Variants in FTO observed in about 807,000 individuals in gnomAD.
FTO encodes the protein FTO alpha-ketoglutarate dependent dioxygenase, also known as alpha-ketoglutarate-dependent dioxygenase FTO.
A neutral mutation model predicts 63.9 loss-of-function variants in FTO; 47 were observed. The ratio of observed to expected loss-of-function variants is 0.74; its 90% CI spans 0.58 to 0.94. The LOEUF (loss-of-function observed/expected upper bound fraction) is 0.94, where lower values mean the gene tolerates loss of function less well. FTO is among the 40% of genes least tolerant of loss of function. The pLI, the probability that FTO is intolerant of heterozygous loss-of-function variation, is 0.00. For synonymous variants in FTO, 207 were observed against 224.4 expected (o/e 0.92, Z 0.69); for missense variants, 562 against 618.1 (o/e 0.91, Z 0.96).
At chr16:53,794,753 C>T (rs2078017082) in intron 1 of FTO, among the ~76,000 whole-genome samples, 1 of 152,046 alleles carries the variant, frequency 6.6e-6, no homozygotes, top group Non-Finnish European at 1.5e-5. Flanking sequence ...AGGTTTGGTC[C>T]TGGACAGTAG....
At chr16:54,091,618 C>A (rs1483000509) in intron 8 of FTO, among the ~76,000 whole-genome samples, 3 of 152,208 alleles carry the variant, frequency 2.0e-5, no homozygotes, top group Admixed American at 2.0e-4. Flanking sequence ...TGAAACAAAT[C>A]TGCGGGTTGG....
rs368287478 is a variant in FTO, at chr16:54,038,790, G to A, written c.1365-72972G>A. ...TCTGCCATAAGTAAAAGCTTCCTGC[G>A]GCCTCATCAGAAGCCAAGTAGATGC... On this transcript the variant is annotated intron_variant, in intron 8 of 8. Coordinates refer to ENST00000471389, the MANE Select transcript of FTO (RefSeq NM_001080432.3). Among the ~76,000 whole-genome samples, 10 of 152,248 alleles carry A rather than the reference G, an allele frequency of 6.6e-5. No homozygotes were observed. In the South Asian group the frequency reaches 1.7e-3, roughly 25 times the overall value.
chr16:53,938,063 C>T (rs1210874486), intron 8 of FTO, among the ~76,000 whole-genome samples: 1 of 152,148 alleles, frequency 6.6e-6, no homozygotes, highest in Non-Finnish European at 1.5e-5. Context: ...TGCCTGCCTG[C>T]TTCATTTCAG....
intron 8 of FTO, among the ~76,000 whole-genome samples, chr16:54,087,680 G>A (rs1218834426): frequency 6.6e-6 from 1 of 152,204 alleles, no homozygotes; most frequent in Non-Finnish European, 1.5e-5. Flanking sequence ...GCATGCTCCT[G>A]TAGTCCTAGC....
chr16:54,024,898 C>A (rs2084680788), intron 8 of FTO, among the ~76,000 whole-genome samples: 1 of 152,126 alleles, frequency 6.6e-6, no homozygotes, highest in Non-Finnish European at 1.5e-5. Context: ...TCCATTGAAG[C>A]TAACTAGTCA....
At chr16:53,968,432 C>T (rs533990578) in intron 8 of FTO, among the ~76,000 whole-genome samples, 1 of 152,280 alleles carries the variant, frequency 6.6e-6, no homozygotes, top group African/African-American at 2.4e-5. Flanking sequence ...AAACCAAGTA[C>T]AGCACCATCA....
intron 6 of FTO, among the ~76,000 whole-genome samples, chr16:53,882,347 A>G (rs1279206227): frequency 6.7e-6 from 1 of 149,996 alleles, no homozygotes; most frequent in African/African-American, 2.5e-5. Context: ...ATTATACAGT[A>G]TGTTAGAAGT....
intron 7 of FTO, among the ~76,000 whole-genome samples, chr16:53,918,907 A>G (rs1374911045): frequency 6.6e-6 from 1 of 152,206 alleles, no homozygotes; most frequent in Non-Finnish European, 1.5e-5. Context: ...CTTTGATATT[A>G]AAGAGTTACT....
intron 8 of FTO, among the ~76,000 whole-genome samples, chr16:53,936,698 A>G (rs2082399044): frequency 6.6e-6 from 1 of 152,224 alleles, no homozygotes; most frequent in Non-Finnish European, 1.5e-5. Context: ...ACAGTATTTT[A>G]CTTTCATCAA....
chr16:53,738,840 T>TA (rs1041381311), intron 1 of FTO, among the ~76,000 whole-genome samples: 1 of 152,086 alleles, frequency 6.6e-6, no homozygotes, highest in Non-Finnish European at 1.5e-5. Context: ...ATTGCCTATT[T>TA]AAAAAAAATT....
At chr16:53,753,276 A>AAACAAAAT (rs1462919089) in intron 1 of FTO, among the ~76,000 whole-genome samples, 2 of 151,878 alleles carry the variant, frequency 1.3e-5, no homozygotes, top group Admixed American at 6.6e-5. Flanking sequence ...AAACAAAACA[A>AAACAAAAT]AACAAAATGC....
At chr16:53,737,827 G>A (rs937081999) in intron 1 of FTO, among the ~76,000 whole-genome samples, 3 of 152,088 alleles carry the variant, frequency 2.0e-5, no homozygotes, top group African/African-American at 4.8e-5. Context: ...TAAAAATAGC[G>A]TTATTGAGAT....
intron 1 of FTO, among the ~76,000 whole-genome samples, chr16:53,788,327 A>G (rs62033404): frequency 0.41 from 61,749 of 151,506 alleles, 12,966 homozygotes; most frequent in African/African-American, 0.48. Flanking sequence ...ATTTGGCCAG[A>G]TGGGGTGGCT....
At chr16:53,912,320 T>C (rs1024188616) in intron 7 of FTO, among the ~76,000 whole-genome samples, 1 of 152,196 alleles carries the variant, frequency 6.6e-6, no homozygotes, top group African/African-American at 2.4e-5. Context: ...AATCACTTGC[T>C]GGTATCAGAT....
rs994737884 is a variant in FTO, at chr16:53,908,287, T to C, written c.1239+19336T>C. The stretch of plus-strand genomic sequence containing the variant: ...TGTCCAACCATTGCATGCAAACTCG[T>C]AGTAAAGCCATTGTCTAGTTATTAA... On this transcript the variant is annotated intron_variant, in intron 7 of 8. Coordinates refer to ENST00000471389, the MANE Select transcript of FTO (RefSeq NM_001080432.3). Among the ~76,000 whole-genome samples the C allele has an allele frequency of 2.0e-5, 3 of 152,290 alleles. No homozygotes were observed. The South Asian group carries it at 6.2e-4, about 32-fold the overall frequency.
chr16:53,886,935 G>A lies in FTO; in HGVS notation c.1120-1897G>A, dbSNP rs1598911441. On this transcript the variant is annotated intron_variant, in intron 6 of 8. Coordinates refer to ENST00000471389, the MANE Select transcript of FTO (RefSeq NM_001080432.3). ...CAGCCTGAAGCTGTGGTGGCTCCAC[G>A]TTTCTTTAGCGGGCAGTGGTAAAAA... 2.6e-5 allele frequency: 4 copies of A among 152,316 alleles called. No homozygotes were observed. The South Asian group carries it at 8.3e-4, about 32-fold the overall frequency. The allele number at this position is 152,316 out of a possible 1,614,324, so 9.4% of individuals were successfully genotyped here.
At chr16:53,936,104 G>A (rs1330402455) in intron 8 of FTO, among the ~76,000 whole-genome samples, 1 of 152,220 alleles carries the variant, frequency 6.6e-6, no homozygotes, top group Non-Finnish European at 1.5e-5. Flanking sequence ...TGTTTAAAAG[G>A]AATCTGCTTT....
intron 8 of FTO, among the ~76,000 whole-genome samples, chr16:54,087,899 A>G (rs1354326309): frequency 6.6e-6 from 1 of 152,216 alleles, no homozygotes; most frequent in Non-Finnish European, 1.5e-5. Flanking sequence ...ACTTCTTGCT[A>G]AGTTCCCAGA....
intron 1 of FTO, among the ~76,000 whole-genome samples, chr16:53,787,684 T>A (rs1298530260): frequency 2.0e-5 from 3 of 152,172 alleles, no homozygotes; most frequent in East Asian, 3.9e-4. Flanking sequence ...GTCTGGTATA[T>A]CTAACTAATC....
Sources: gnomAD v4.1 joint callset for allele counts (sites outside exome capture counted in the v4.1 genomes callset) on GRCh38, gnomAD v4.1.1 for gene constraint, MANE v1.5 for transcripts, NCBI Gene and HGNC (gene_info 2026-07-23, HGNC 2026-07-21) for gene names.